Variants in NEB observed in about 807,000 individuals in gnomAD.
NEB encodes nebulin.
Under a neutral mutation model 952.2 loss-of-function variants are expected in NEB, and 512 were observed. The observed-to-expected ratio is 0.54, with a 90% CI of 0.50 to 0.58. NEB has a LOEUF of 0.58. Among genes scored for constraint, NEB ranks in the 20% least tolerant of loss-of-function variants. NEB has a pLI of 0.00. For missense variants in NEB, 8,428 were observed against 9,231.1 expected (o/e 0.91, Z 3.56); for synonymous variants, 2,900 against 3,149.8 (o/e 0.92, Z 2.66).
intron 76 of NEB, 173 bp downstream of exon 76, chr2:151,615,829 G>T (rs1243504191): frequency 1.7e-6 from 1 of 594,024 alleles, no homozygotes; most frequent in Non-Finnish European, 2.9e-6. Flanking sequence ...GGTATAATGG[G>T]TCTAGAATTT....
intron 119 of NEB, among the ~76,000 whole-genome samples, 163 bp from the exon 120 acceptor site, chr2:151,562,971 A>G (rs986922385): frequency 2.1e-5 from 3 of 144,188 alleles, no homozygotes; most frequent in African/African-American, 7.6e-5. Flanking sequence ...TATATACTTT[A>G]TATACTTTAA....
intron 10 of NEB, among the ~76,000 whole-genome samples, chr2:151,714,517 G>A (rs1216240553): frequency 6.6e-6 from 1 of 152,146 alleles, no homozygotes; most frequent in African/African-American, 2.4e-5. Context: ...GGGAGCTGGA[G>A]CTTCATTCTG....
chr2:151,574,027 A>G (rs1248515593), intron 107 of NEB, among the ~76,000 whole-genome samples: 2 of 152,124 alleles, frequency 1.3e-5, no homozygotes, highest in African/African-American at 2.4e-5. Flanking sequence ...ACGCTGGAGT[A>G]CAGTGGCGTG....
At chr2:151,715,669 C>G (rs916299449) in intron 10 of NEB, among the ~76,000 whole-genome samples, 1 of 152,222 alleles carries the variant, frequency 6.6e-6, no homozygotes, top group Non-Finnish European at 1.5e-5. Context: ...GAACTGAATC[C>G]GTGATCTTAG....
chr2:151,530,959 G>C, intron 145 of NEB, 35 bp downstream of exon 145: 1 of 1,415,350 alleles, frequency 7.1e-7, no homozygotes, highest in Non-Finnish European at 9.9e-7. Flanking sequence ...AGGAGGCCAA[G>C]ATGAGAGGGA....
At position 151,704,705 on chromosome 2, in the gene NEB, G is replaced by A. The variant is rs560508569; in HGVS notation, c.1152+2176C>T. The stretch of plus-strand genomic sequence containing the variant: ...CGCTTCCCAAGTGAGGCAATGCCTC[G>A]CCCTGCTTCGGCTCACGCACAGTGC... On this transcript the variant is annotated intron_variant, in intron 13 of 181. Coordinates refer to ENST00000397345, the MANE Select transcript of NEB (RefSeq NM_001164508.2). 8.7e-4 allele frequency among the ~76,000 whole-genome samples: 133 copies of A among 152,278 alleles called. 2 individuals carry two copies. The highest frequency in any genetic ancestry group is 2.9e-3 in the African/African-American group (122 of 41,572).
intron 159 of NEB, among the ~76,000 whole-genome samples, chr2:151,514,041 G>T (rs369051192): frequency 6.6e-6 from 1 of 152,164 alleles, no homozygotes; most frequent in Non-Finnish European, 1.5e-5. Flanking sequence ...TAGTGTTTTC[G>T]TGTAGATGAG....
intron 54 of NEB, among the ~76,000 whole-genome samples, chr2:151,647,399 C>T (rs776601606): frequency 1.3e-5 from 2 of 152,118 alleles, no homozygotes; most frequent in Non-Finnish European, 2.9e-5. Flanking sequence ...TGTGAGCCAT[C>T]GTGCCCGGCT....
intron 54 of NEB, among the ~76,000 whole-genome samples, chr2:151,647,342 G>A (rs182138785): frequency 8.4e-4 from 127 of 151,886 alleles, no homozygotes; most frequent in African/African-American, 2.6e-3. Context: ...ACTCCTGATC[G>A]CAGGTGATCC....
Position 151,551,728 on chromosome 2 carries a change from C to CA in NEB, c.19944+9dup. ...TTTCTGCTGGGCACTCTCAAGTTCT[C>CA]ACTGCTCACCGAACTCTGGAGCTTG... On this transcript the variant is annotated intron_variant, in intron 129 of 181. Transcript: ENST00000397345. 6.2e-7 allele frequency: 1 copy of CA among 1,609,326 alleles called. No individual in the cohort carries two copies. The highest frequency in any genetic ancestry group is 8.5e-7 in the Non-Finnish European group (1 of 1,176,012).
chr2:151,623,809 T>A (rs1169466794), intron 71 of NEB, among the ~76,000 whole-genome samples: 1 of 152,162 alleles, frequency 6.6e-6, no homozygotes, highest in African/African-American at 2.4e-5. Context: ...TAGGAATAAA[T>A]GTTCATATTT....
Position 151,546,005 on chromosome 2 carries a change from A to C in NEB, c.20467-7T>G, listed in dbSNP as rs1259953150. On this transcript the variant is annotated splice_polypyrimidine_tract_variant and splice_region_variant and intron_variant, in intron 134 of 181. Coordinates refer to ENST00000397345, the MANE Select transcript of NEB (RefSeq NM_001164508.2). ...CAGTGTATAGGTAATTAGACTTAAA[A>C]AAAAAAAAAAAAACAGAAATACAAG... 7.7e-6 allele frequency: 11 copies of C among 1,421,582 alleles called. No homozygotes were observed. The highest frequency in any genetic ancestry group is 1.1e-5 in the Non-Finnish European group (11 of 1,031,694). The allele number at this position is 1,421,582 out of a possible 1,614,324, so 88.1% of individuals were successfully genotyped here.
In NEB at chr2:151,619,699, C is replaced by T. The variant is rs777939660; in HGVS notation, c.10624G>A (p.Asp3542Asn). 6 of 1,613,924 alleles carry T rather than the reference C, an allele frequency of 3.7e-6. No individual in the cohort carries two copies. In the African/African-American group the frequency reaches 6.7e-5, roughly 18 times the overall value. The change falls in exon 73 of 182, where the codon GAT becomes AAT. Residue 3542 changes from aspartate to asparagine, a missense_variant. Physicochemically the swap from Asp to Asn is conservative, Grantham distance 23. Coordinates refer to ENST00000397345, the MANE Select transcript of NEB (RefSeq NM_001164508.2). ...AGGGACCACATTATCTTGGGGTCAT[C>T]GTGTACTGCTCGGGCGCCAATGTGG... ...GHHIGARAVH[D>N]DPKIMWSLHI... is the part of the protein sequence containing the mutation.
At chr2:151,516,594 T>C (rs954213524) in intron 156 of NEB, 31 bp from the exon 157 acceptor site, 13 of 1,395,140 alleles carry the variant, frequency 9.3e-6, no homozygotes, top group Non-Finnish European at 1.2e-5. Flanking sequence ...TAGATATCTC[T>C]CCTCTGGTCA....
chr2:151,517,014 T>C (rs528372410), intron 156 of NEB, among the ~76,000 whole-genome samples: 1 of 152,218 alleles, frequency 6.6e-6, no homozygotes, highest in Admixed American at 6.5e-5. Context: ...GGGGTCTAGA[T>C]TGAATGGATA....
At chr2:151,496,499 C>CA in intron 172 of NEB, 131 bp from the exon 173 acceptor site, 2 of 1,446,508 alleles carry the variant, frequency 1.4e-6, no homozygotes, top group Non-Finnish European at 1.8e-6. Context: ...TATATGCTGA[C>CA]AAAATGCCAC....
chr2:151,525,112 G>C, intron 151 of NEB, 51 bp downstream of exon 151: 1 of 1,257,884 alleles, frequency 7.9e-7, no homozygotes, highest in South Asian at 1.2e-5. Context: ...CACCAATCTG[G>C]GTTCCACTGC....
chr2:151,681,224 C>T (rs1459479529), intron 29 of NEB, among the ~76,000 whole-genome samples: 1 of 152,128 alleles, frequency 6.6e-6, no homozygotes, highest in Non-Finnish European at 1.5e-5. Context: ...TCTCTTTTTC[C>T]CTGTTACTCC....
chr2:151,573,078 C>A (rs1017094235), intron 107 of NEB, among the ~76,000 whole-genome samples: 4 of 152,090 alleles, frequency 2.6e-5, no homozygotes, highest in Admixed American at 2.6e-4. Flanking sequence ...AAATCACATA[C>A]AAATATTCTG....
Sources: gnomAD v4.1 joint callset for allele counts (sites outside exome capture counted in the v4.1 genomes callset) on GRCh38, gnomAD v4.1.1 for gene constraint, MANE v1.5 for transcripts, NCBI Gene and HGNC (gene_info 2026-07-23, HGNC 2026-07-21) for gene names.